Variants in GTF2F2 observed in about 807,000 individuals in gnomAD.
GTF2F2 encodes the protein general transcription factor IIF subunit 2, also known as ATP-dependent helicase GTF2F2.
GTF2F2 carries 23 observed loss-of-function variants against 42.2 expected under a neutral mutation model. The observed-to-expected ratio is 0.55, with a 90% CI of 0.39 to 0.77. GTF2F2 has a LOEUF of 0.77. Among genes scored for constraint, GTF2F2 ranks in the 30% least tolerant of loss-of-function variants. The pLI is 0.00. For synonymous variants in GTF2F2, 105 were observed against 100.8 expected (o/e 1.04, Z -0.25); for missense variants, 261 against 287.2 (o/e 0.91, Z 0.66).
At chr13:45,144,080 C>T (rs998565697) in intron 2 of GTF2F2, among the ~76,000 whole-genome samples, 2 of 151,844 alleles carry the variant, frequency 1.3e-5, no homozygotes, top group Admixed American at 1.3e-4. Context: ...GGTGAAACCC[C>T]GTCTCTACTA....
intron 5 of GTF2F2, among the ~76,000 whole-genome samples, chr13:45,236,322 G>A (rs1054126447): frequency 1.1e-4 from 17 of 152,168 alleles, no homozygotes; most frequent in African/African-American, 3.9e-4. Flanking sequence ...AGTTTAAGCA[G>A]TAGGAGGCCC....
At chr13:45,144,049 C>G (rs1404034384) in intron 2 of GTF2F2, among the ~76,000 whole-genome samples, 7 of 152,000 alleles carry the variant, frequency 4.6e-5, no homozygotes, top group Admixed American at 4.6e-4. Flanking sequence ...GTCAGGAGTT[C>G]GAGACCAGCC....
intron 5 of GTF2F2, among the ~76,000 whole-genome samples, chr13:45,237,458 A>G (rs777425965): frequency 3.9e-5 from 6 of 152,250 alleles, no homozygotes; most frequent in Admixed American, 6.5e-5. Context: ...TTTCTGTTCA[A>G]TATGGGTACT....
chr13:45,280,746 T>G (rs1305225902), intron 7 of GTF2F2, among the ~76,000 whole-genome samples: 1 of 152,248 alleles, frequency 6.6e-6, no homozygotes, highest in Non-Finnish European at 1.5e-5. Flanking sequence ...ATTTTTTGTT[T>G]AACCCTTTTT....
intron 6 of GTF2F2, among the ~76,000 whole-genome samples, chr13:45,259,832 C>T (rs1468627553): frequency 6.6e-6 from 1 of 151,848 alleles, no homozygotes; most frequent in African/African-American, 2.4e-5. Flanking sequence ...CAATGTGATC[C>T]ACCCATCTCG....
chr13:45,231,750 A>G (rs1266433713), intron 5 of GTF2F2, among the ~76,000 whole-genome samples: 1 of 152,210 alleles, frequency 6.6e-6, no homozygotes, highest in Non-Finnish European at 1.5e-5. Flanking sequence ...AGCATATTAA[A>G]AACTACCTTC....
chr13:45,169,407 A>G (rs935059403), intron 4 of GTF2F2, among the ~76,000 whole-genome samples: 5 of 152,158 alleles, frequency 3.3e-5, no homozygotes, highest in African/African-American at 1.2e-4. Flanking sequence ...GAAGAAGCCA[A>G]AGTTGTAGGC....
At chr13:45,140,331 A>T (rs1317050110) in intron 2 of GTF2F2, among the ~76,000 whole-genome samples, 2 of 152,176 alleles carry the variant, frequency 1.3e-5, no homozygotes, top group Admixed American at 1.3e-4. Flanking sequence ...CAACTGTAAT[A>T]TCTCGTTTTC....
intron 4 of GTF2F2, among the ~76,000 whole-genome samples, chr13:45,179,398 G>A (rs1341282818): frequency 1.3e-5 from 2 of 152,156 alleles, no homozygotes; most frequent in African/African-American, 4.8e-5. Flanking sequence ...GTAAAAAGGA[G>A]CACTATTTTT....
At chr13:45,126,991 A>T (rs557535310) in intron 1 of GTF2F2, among the ~76,000 whole-genome samples, 42 of 152,204 alleles carry the variant, frequency 2.8e-4, no homozygotes, top group Non-Finnish European at 4.9e-4. Flanking sequence ...ACACAGATAC[A>T]TCGTAAGTGA....
intron 4 of GTF2F2, among the ~76,000 whole-genome samples, chr13:45,159,640 T>G (rs1870939621): frequency 6.6e-6 from 1 of 152,142 alleles, no homozygotes; most frequent in Non-Finnish European, 1.5e-5. Flanking sequence ...GCCGGGCTAA[T>G]TTTTTGTGTT....
chr13:45,246,015 TTTTA>T (rs1566149628), intron 5 of GTF2F2, among the ~76,000 whole-genome samples: 2 of 20,254 alleles, frequency 9.9e-5, no homozygotes, highest in African/African-American at 4.6e-4. Flanking sequence ...TATTTATTTA[TTTTA>T]TTTATTTTGA....
intron 4 of GTF2F2, among the ~76,000 whole-genome samples, chr13:45,159,638 A>G (rs1310399680): frequency 6.6e-6 from 1 of 152,122 alleles, no homozygotes; most frequent in African/African-American, 2.4e-5. Flanking sequence ...ACGCCGGGCT[A>G]ATTTTTTGTG....
At chr13:45,203,490 C>G (rs994252894) in intron 4 of GTF2F2, among the ~76,000 whole-genome samples, 2 of 152,150 alleles carry the variant, frequency 1.3e-5, no homozygotes, top group Non-Finnish European at 2.9e-5. Context: ...TCCTGTGCTT[C>G]CCTTTCAGTC....
At chr13:45,194,629 T>G in intron 4 of GTF2F2, 1 of 1,419,284 alleles carries the variant, frequency 7.0e-7, no homozygotes, top group Middle Eastern at 1.9e-4. Context: ...AAAGAGACAC[T>G]ACCACACAAG....
chr13:45,143,656 G>A (rs550237722), intron 2 of GTF2F2, among the ~76,000 whole-genome samples: 1 of 152,174 alleles, frequency 6.6e-6, no homozygotes, highest in African/African-American at 2.4e-5. Flanking sequence ...GAAACTAGGA[G>A]ATCTGTATGG....
chr13:45,268,346 A>T (rs1876654648), intron 7 of GTF2F2, among the ~76,000 whole-genome samples: 1 of 152,000 alleles, frequency 6.6e-6, no homozygotes, highest in Non-Finnish European at 1.5e-5. Context: ...AAAGGACTTG[A>T]TTTTTTTTAT....
At chr13:45,132,790 G>A (rs1363578096) in intron 1 of GTF2F2, among the ~76,000 whole-genome samples, 2 of 151,966 alleles carry the variant, frequency 1.3e-5, no homozygotes, top group Non-Finnish European at 2.9e-5. Flanking sequence ...TTTCTCGGTG[G>A]AAGAGGAAGT....
intron 1 of GTF2F2, among the ~76,000 whole-genome samples, chr13:45,133,407 A>G (rs141686393): frequency 1.3e-5 from 2 of 152,332 alleles, no homozygotes; most frequent in East Asian, 3.9e-4. Context: ...GAAAGTCTTG[A>G]TAATGCTATC....
Sources: gnomAD v4.1 joint callset for allele counts (sites outside exome capture counted in the v4.1 genomes callset) on GRCh38, gnomAD v4.1.1 for gene constraint, MANE v1.5 for transcripts, NCBI Gene and HGNC (gene_info 2026-07-23, HGNC 2026-07-21) for gene names.